Variants in CENPH observed in about 807,000 individuals in gnomAD.
The protein encoded by CENPH is CENP-H.
CENPH carries 40 observed loss-of-function variants against 42.9 expected under a neutral mutation model. That is an observed-to-expected ratio of 0.93 (90% CI 0.72 to 1.21). The LOEUF (loss-of-function observed/expected upper bound fraction) is 1.21, where lower values mean the gene tolerates loss of function less well. Ranked by LOEUF, CENPH falls within the 50% of genes most tolerant of loss-of-function variation. The pLI, the probability that CENPH is intolerant of heterozygous loss-of-function variation, is 0.00. For synonymous variants in CENPH, 88 were observed against 96.5 expected, an observed-to-expected ratio of 0.91 and a Z score of 0.52; for missense variants, 302 against 292.9, an observed-to-expected ratio of 1.03 and a Z score of -0.23.
chr5:69,194,537 T>G (rs1747931634), intron 2 of CENPH, 110 bp from the exon 3 acceptor site: 2 of 596,938 alleles, frequency 3.4e-6, no homozygotes, highest in Non-Finnish European at 6.0e-6. Flanking sequence ...TTCTGTAATG[T>G]GAAAACGACA....
At chr5:69,207,040 C>G in intron 7 of CENPH, among the ~76,000 whole-genome samples, 1 of 152,144 alleles carries the variant, frequency 6.6e-6, no homozygotes, top group East Asian at 1.9e-4. Context: ...ATTTTCTCCA[C>G]TGCATTCCAA....
At position 69,189,588 on chromosome 5, in the gene CENPH, C is replaced by A. The variant is rs1476455279; in HGVS notation, c.-47C>A. 6.6e-7 allele frequency: 1 copy of A among 1,515,418 alleles called. No individual in the cohort carries two copies. Among genetic ancestry groups the A allele is most frequent in the South Asian group, 1.2e-5 (1 of 80,856 alleles). The allele number at this position is 1,515,418 out of a possible 1,614,324, so 93.9% of individuals were successfully genotyped here. On this transcript the variant is annotated 5_prime_UTR_variant, in exon 1 of 9. It adds an upstream start codon to the 5' untranslated region. Transcript: ENST00000283006. ...TTAGTGGCGGGAAAAGCGACCTTTTCTGAGCGCGTTTGCCTGTTGAGTGGT... is the reference window on the plus strand; with the variant it reads ...TTAGTGGCGGGAAAAGCGACCTTTTATGAGCGCGTTTGCCTGTTGAGTGGT...
At chr5:69,198,134 A>T (rs1024097644) in intron 5 of CENPH, among the ~76,000 whole-genome samples, 1 of 151,136 alleles carries the variant, frequency 6.6e-6, no homozygotes, top group African/African-American at 2.4e-5. Flanking sequence ...GTTAGCCAGG[A>T]TGGTCTCGAT....
At chr5:69,205,792 T>C (rs1748147117) in intron 7 of CENPH, among the ~76,000 whole-genome samples, 1 of 132,054 alleles carries the variant, frequency 7.6e-6, no homozygotes, top group Non-Finnish European at 1.5e-5. Context: ...CACTGCAAGC[T>C]CCACCTCCCG....
intron 4 of CENPH, 34 bp from the exon 5 acceptor site, chr5:69,197,019 A>G (rs2112085573): frequency 1.4e-6 from 2 of 1,422,436 alleles, no homozygotes; most frequent in South Asian, 1.3e-5. Flanking sequence ...AATGTTATCC[A>G]TGTTTTATAA....
intron 4 of CENPH, 65 bp from the exon 5 acceptor site, chr5:69,196,988 G>T (rs1747974881): frequency 2.1e-5 from 22 of 1,024,302 alleles, no homozygotes; most frequent in East Asian, 1.1e-4. Context: ...TTCATGTTTT[G>T]AATTTTTTTA....
In CENPH at chr5:69,209,972, TTTTTA is replaced by T. The variant is rs1405926918; in HGVS notation, c.*175_*179del. The T allele has an allele frequency of 2.4e-6, 1 of 414,782 alleles. No individual in the cohort carries two copies. The highest frequency in any genetic ancestry group is 4.2e-6 in the Non-Finnish European group (1 of 236,364). The allele number at this position is 414,782 out of a possible 1,614,324, so 25.7% of individuals were successfully genotyped here. On this transcript the variant is annotated 3_prime_UTR_variant, in exon 9 of 9. Transcript: ENST00000283006. ...AGTGGGATTGAAAGTAATTTTTTTC[TTTTTA>T]TATTTCTATATTTAGTTTGTTTTTT...
At chr5:69,191,926 C>A in intron 2 of CENPH, 76 bp downstream of exon 2, 1 of 862,416 alleles carries the variant, frequency 1.2e-6, no homozygotes, top group Non-Finnish European at 1.9e-6. Context: ...TTGCTATCAC[C>A]CAGGCTGTAA....
intron 2 of CENPH, among the ~76,000 whole-genome samples, chr5:69,193,177 G>GTGTATGTGTATATATGTATATATA (rs1747906700): frequency 6.7e-6 from 1 of 148,308 alleles, no homozygotes; most frequent in Non-Finnish European, 1.5e-5. Context: ...ATATATGTGT[G>GTGTATGTGTATATATGTATATATA]TGTATGTGTA....
At chr5:69,202,655 A>T in intron 6 of CENPH, 86 bp downstream of exon 6, 1 of 828,978 alleles carries the variant, frequency 1.2e-6, no homozygotes, top group South Asian at 1.6e-5. Flanking sequence ...ATGATTAAAT[A>T]GATTGTCCAA....
chr5:69,195,749 A>G lies in CENPH; in HGVS notation c.272A>G (p.Glu91Gly). The G allele has an allele frequency of 6.4e-7, 1 of 1,560,336 alleles. No individual in the cohort carries two copies. Among genetic ancestry groups the G allele is most frequent in the Non-Finnish European group, 8.7e-7 (1 of 1,149,188 alleles). The change falls in exon 4 of 9, where the codon GAG (glutamate) becomes GGG (glycine). Residue 91 changes from glutamate (E) to glycine (G), a missense_variant. Glu to Gly is a moderately conservative substitution (Grantham distance 98). Transcript: ENST00000283006. ...GAAGACCTGGAAAATGAAATTGAAG[A>G]GGTAAAAGTTGCTTTTGAGATAAAA... ...KIEDLENEIE[E>G]VKVAFEIKKL...
intron 1 of CENPH, among the ~76,000 whole-genome samples, chr5:69,190,322 C>G (rs77279878): frequency 3.9e-5 from 6 of 152,184 alleles, no homozygotes; most frequent in Non-Finnish European, 7.3e-5. Flanking sequence ...TGTGACCACT[C>G]AAGCTAAGAA....
At chr5:69,191,018 T>C (rs1233258601) in intron 1 of CENPH, among the ~76,000 whole-genome samples, 1 of 152,250 alleles carries the variant, frequency 6.6e-6, no homozygotes, top group African/African-American at 2.4e-5. Context: ...CATTTGCTCA[T>C]AGTTTTTCTA....
At chr5:69,195,449 G>C (rs1561321718) in intron 3 of CENPH, among the ~76,000 whole-genome samples, 1 of 151,970 alleles carries the variant, frequency 6.6e-6, no homozygotes, top group African/African-American at 2.4e-5. Flanking sequence ...CATATATTGG[G>C]AAGTTGTTAA....
intron 1 of CENPH, 96 bp downstream of exon 1, chr5:69,189,864 G>A: frequency 7.8e-7 from 1 of 1,284,466 alleles, no homozygotes; most frequent in Non-Finnish European, 1.0e-6. Flanking sequence ...ATTCACGCTC[G>A]GTCACGTCAG....
At position 69,193,048 on chromosome 5, in the gene CENPH, G is replaced by A. The variant is rs569536463; in HGVS notation, c.190+1198G>A. Reference sequence around the variant, plus strand: ...GGAGGTGGAGGTTGCAGTGACGCGAGATCACGCCATTGCACTCTGGCCTGG... The same window carrying A: ...GGAGGTGGAGGTTGCAGTGACGCGAAATCACGCCATTGCACTCTGGCCTGG... On this transcript the variant is annotated intron_variant, in intron 2 of 8. Coordinates refer to ENST00000283006, the MANE Select transcript of CENPH (RefSeq NM_022909.4). 9.7e-4 allele frequency among the ~76,000 whole-genome samples: 147 copies of A among 151,952 alleles called. 1 individual carries two copies. Among genetic ancestry groups the A allele is most frequent in the African/African-American group, 3.5e-3 (143 of 41,430 alleles).
chr5:69,199,045 G>T (rs1056903310), intron 5 of CENPH, among the ~76,000 whole-genome samples: 2 of 152,156 alleles, frequency 1.3e-5, no homozygotes, highest in Non-Finnish European at 2.9e-5. Context: ...CTTTGGTCTA[G>T]GTCCTGTTGC....
At chr5:69,191,650 A>T (rs1747873927) in intron 1 of CENPH, 145 bp from the exon 2 acceptor site, 2 of 559,088 alleles carry the variant, frequency 3.6e-6, no homozygotes, top group Admixed American at 7.4e-5. Flanking sequence ...AGGCCAAATT[A>T]GAAGTTTGTA....
rs768361487 is a variant in CENPH at position 69,189,662 on chromosome 5, G to A, written c.28G>A (p.Ala10Thr). The change falls in exon 1 of 9, where the codon GCC (alanine) becomes ACC (threonine). Residue 10 changes from alanine to threonine, a missense_variant. Ala to Thr is a moderately conservative substitution (Grantham distance 58). Coordinates refer to ENST00000283006, the MANE Select transcript of CENPH (RefSeq NM_022909.4). Reference sequence around the variant, plus strand: ...GGAGGAGCAGCCCCAGATGCAAGACGCCGACGAGCCCGCGGACTCCGGAGG... The same window carrying A: ...GGAGGAGCAGCCCCAGATGCAAGACACCGACGAGCCCGCGGACTCCGGAGG... MEEQPQMQD[A>T]DEPADSGGEG... The A allele has an allele frequency of 9.4e-6, 15 of 1,600,260 alleles. No homozygotes were observed. In the South Asian group the frequency reaches 1.7e-4, roughly 18 times the overall value.
Sources: gnomAD v4.1 joint callset for allele counts (sites outside exome capture counted in the v4.1 genomes callset) on GRCh38, gnomAD v4.1.1 for gene constraint, MANE v1.5 for transcripts, NCBI Gene and HGNC (gene_info 2026-07-23, HGNC 2026-07-21) for gene names.